Variants in PCED1B observed in about 807,000 individuals in gnomAD.
PCED1B encodes PC-esterase domain-containing protein 1B.
For synonymous variants in PCED1B, 251 were observed against 246.1 expected, an observed-to-expected ratio of 1.02 and a Z score of -0.19; for missense variants, 573 against 573.9, an observed-to-expected ratio of 1.00 and a Z score of 0.02.
At chr12:47,105,011 TC>T (rs1226942063) in intron 2 of PCED1B, among the ~76,000 whole-genome samples, 1 of 152,176 alleles carries the variant, frequency 6.6e-6, no homozygotes, top group East Asian at 1.9e-4. Context: ...GACCTTACGC[TC>T]ATGCCGACTA....
intron 2 of PCED1B, among the ~76,000 whole-genome samples, chr12:47,111,585 C>T (rs976805195): frequency 1.3e-5 from 2 of 152,084 alleles, no homozygotes; most frequent in African/African-American, 4.8e-5. Flanking sequence ...AAAAAACCTC[C>T]TAATTCTTCC....
At chr12:47,151,172 T>C (rs1444793909) in intron 2 of PCED1B, among the ~76,000 whole-genome samples, 2 of 151,862 alleles carry the variant, frequency 1.3e-5, no homozygotes, top group African/African-American at 4.8e-5. Context: ...TTTATAAATA[T>C]ACAGTCATAG....
intron 2 of PCED1B, among the ~76,000 whole-genome samples, chr12:47,140,705 C>T (rs555937260): frequency 6.6e-6 from 1 of 152,154 alleles, no homozygotes; most frequent in East Asian, 1.9e-4. Context: ...ACAGAATTTT[C>T]CTTTAATCAT....
At chr12:47,092,388 C>G (rs1938304793) in intron 1 of PCED1B, among the ~76,000 whole-genome samples, 1 of 151,954 alleles carries the variant, frequency 6.6e-6, no homozygotes, top group Non-Finnish European at 1.5e-5. Flanking sequence ...GGTTCCCTTC[C>G]TATATTCTCT....
At chr12:47,086,235 C>A (rs1186310585) in intron 1 of PCED1B, among the ~76,000 whole-genome samples, 1 of 151,972 alleles carries the variant, frequency 6.6e-6, no homozygotes, top group Non-Finnish European at 1.5e-5. Context: ...CTTAGTCCAG[C>A]CTTGGTGAAG....
intron 1 of PCED1B, among the ~76,000 whole-genome samples, chr12:47,095,789 T>C (rs1938461194): frequency 6.6e-6 from 1 of 152,228 alleles, no homozygotes; most frequent in Non-Finnish European, 1.5e-5. Context: ...AACCTTCTAG[T>C]GAAATTCTCC....
At chr12:47,102,919 G>A (rs551051093) in intron 1 of PCED1B, among the ~76,000 whole-genome samples, 3 of 152,214 alleles carry the variant, frequency 2.0e-5, no homozygotes, top group South Asian at 4.1e-4. Flanking sequence ...GGTTGCTATG[G>A]TAGAGAGAAA....
rs1294398253 is a variant in PCED1B at position 47,094,840 on chromosome 12, T to G, written c.-608-9273T>G. Among the ~76,000 whole-genome samples, 3 of 152,134 alleles carry G rather than the reference T, an allele frequency of 2.0e-5. 1 individual carries two copies. Among genetic ancestry groups the G allele is most frequent in the Non-Finnish European group, 4.4e-5 (3 of 68,012 alleles). ...TGTTTACCCTCACCAGTGTTTTTTATTCCTTCCTTCATTTCCATGTTTTTC... is the reference window on the plus strand; with the variant it reads ...TGTTTACCCTCACCAGTGTTTTTTAGTCCTTCCTTCATTTCCATGTTTTTC... On this transcript the variant is annotated intron_variant, in intron 1 of 3. Transcript: ENST00000546455.
At chr12:47,117,871 CT>C (rs1387914676) in intron 2 of PCED1B, among the ~76,000 whole-genome samples, 2 of 152,142 alleles carry the variant, frequency 1.3e-5, no homozygotes, top group Non-Finnish European at 2.9e-5. Context: ...TGTTTCCTGA[CT>C]TTTTAATGAT....
At chr12:47,080,221 G>C (rs978745726) in intron 1 of PCED1B, among the ~76,000 whole-genome samples, 1 of 152,072 alleles carries the variant, frequency 6.6e-6, no homozygotes, top group Non-Finnish European at 1.5e-5. Context: ...ACGTCCCTTC[G>C]TCCAGCTCCA....
At chr12:47,144,518 A>T (rs951628256) in intron 2 of PCED1B, among the ~76,000 whole-genome samples, 1 of 152,106 alleles carries the variant, frequency 6.6e-6, no homozygotes, top group Non-Finnish European at 1.5e-5. Flanking sequence ...AAATTTTTCC[A>T]TTCTGCTTCT....
chr12:47,210,952 G>A (rs902459797), intron 2 of PCED1B, among the ~76,000 whole-genome samples: 2 of 151,988 alleles, frequency 1.3e-5, no homozygotes, highest in Non-Finnish European at 2.9e-5. Flanking sequence ...AGTGATATAC[G>A]ATTAATTTAT....
intron 2 of PCED1B, among the ~76,000 whole-genome samples, chr12:47,153,563 A>ATC (rs1308290796): frequency 6.6e-6 from 1 of 152,152 alleles, no homozygotes; most frequent in South Asian, 2.1e-4. Flanking sequence ...ACTGTTAAAT[A>ATC]TCATCAAAGG....
chr12:47,100,106 C>A (rs577128215), intron 1 of PCED1B, among the ~76,000 whole-genome samples: 44 of 152,310 alleles, frequency 2.9e-4, no homozygotes, highest in Non-Finnish European at 6.3e-4. Context: ...TTCATAAATA[C>A]TGTTTTAGAA....
intron 2 of PCED1B, among the ~76,000 whole-genome samples, chr12:47,134,515 C>G (rs1316400699): frequency 6.6e-6 from 1 of 152,110 alleles, no homozygotes; most frequent in Non-Finnish European, 1.5e-5. Context: ...TTCAAGCTAC[C>G]TCTCCCCACC....
At chr12:47,211,991 C>A (rs1304807384) in intron 2 of PCED1B, among the ~76,000 whole-genome samples, 1 of 147,228 alleles carries the variant, frequency 6.8e-6, no homozygotes, top group South Asian at 2.2e-4. Context: ...AGGAGAATGG[C>A]GTGAACCCGG....
At chr12:47,142,669 G>C (rs1013228210) in intron 2 of PCED1B, among the ~76,000 whole-genome samples, 2 of 151,726 alleles carry the variant, frequency 1.3e-5, no homozygotes, top group Non-Finnish European at 2.9e-5. Flanking sequence ...TATAATGACA[G>C]AATGAAAAAA....
At chr12:47,095,033 A>T (rs1354498706) in intron 1 of PCED1B, among the ~76,000 whole-genome samples, 1 of 148,142 alleles carries the variant, frequency 6.8e-6, no homozygotes, top group Non-Finnish European at 1.5e-5. Context: ...CGGCTTCCTG[A>T]GTAGCTGGGA....
intron 1 of PCED1B, among the ~76,000 whole-genome samples, chr12:47,093,837 A>G (rs71445733): frequency 0.093 from 14,165 of 152,066 alleles, 802 homozygotes; most frequent in South Asian, 0.26. Context: ...TTTTCTTGTT[A>G]TGATATATTG....
Sources: gnomAD v4.1 joint callset for allele counts (sites outside exome capture counted in the v4.1 genomes callset) on GRCh38, gnomAD v4.1.1 for gene constraint, MANE v1.5 for transcripts, NCBI Gene and HGNC (gene_info 2026-07-23, HGNC 2026-07-21) for gene names.